Variants in NEGR1 observed in about 807,000 individuals in gnomAD.
The protein encoded by NEGR1 is IgLON family member 4.
Under a neutral mutation model 40.9 loss-of-function variants are expected in NEGR1, and 10 were observed. That is an observed-to-expected ratio of 0.24 (90% CI 0.15 to 0.42). The LOEUF (loss-of-function observed/expected upper bound fraction) is 0.42. NEGR1 is among the 10% of genes least tolerant of loss of function. NEGR1 has a pLI of 1.00. For synonymous variants in NEGR1, 185 were observed against 166.8 expected (o/e 1.11, Z -0.84); for missense variants, 352 against 438.9 (o/e 0.80, Z 1.77).
At chr1:71,784,583 G>T (rs1003722589) in intron 2 of NEGR1, among the ~76,000 whole-genome samples, 3 of 152,132 alleles carry the variant, frequency 2.0e-5, no homozygotes, top group Admixed American at 6.6e-5. Context: ...AAATGGTAGT[G>T]ATCAAGAAGA....
intron 3 of NEGR1, among the ~76,000 whole-genome samples, chr1:71,758,693 C>A (rs1315453411): frequency 6.6e-6 from 1 of 152,082 alleles, no homozygotes; most frequent in African/African-American, 2.4e-5. Context: ...CACCAGAGGT[C>A]AAAACTCTTC....
At chr1:72,088,664 C>T (rs1238960480) in intron 1 of NEGR1, among the ~76,000 whole-genome samples, 1 of 152,032 alleles carries the variant, frequency 6.6e-6, no homozygotes, top group Non-Finnish European at 1.5e-5. Flanking sequence ...ATGTGTTCAA[C>T]ACTAAATCGT....
intron 6 of NEGR1, among the ~76,000 whole-genome samples, chr1:71,477,912 T>C (rs1399842477): frequency 6.6e-6 from 1 of 151,840 alleles, no homozygotes; most frequent in Non-Finnish European, 1.5e-5. Flanking sequence ...AAAAAATACA[T>C]AAAGCTTAAA....
chr1:71,894,823 G>A (rs1660921403), intron 2 of NEGR1, among the ~76,000 whole-genome samples: 10 of 152,144 alleles, frequency 6.6e-5, no homozygotes, highest in Admixed American at 6.6e-4. Flanking sequence ...CAGGAGGATT[G>A]CTTGAGCCCA....
chr1:71,806,015 C>T (rs1657758041), intron 2 of NEGR1, among the ~76,000 whole-genome samples: 1 of 152,034 alleles, frequency 6.6e-6, no homozygotes, highest in Admixed American at 6.6e-5. Context: ...AAGAAATTTC[C>T]ATTATTATTT....
chr1:72,083,816 C>T (rs1410290691), intron 1 of NEGR1, among the ~76,000 whole-genome samples: 4 of 152,040 alleles, frequency 2.6e-5, no homozygotes, highest in Non-Finnish European at 4.4e-5. Flanking sequence ...TTTCCCTCTA[C>T]ATGGATAGCC....
In NEGR1 at chr1:71,400,234, C is replaced by G. The variant is rs746585370; in HGVS notation, c.*7212G>C. The G allele has an allele frequency of 6.6e-6, 1 of 152,158 alleles. No individual in the cohort carries two copies. The highest frequency in any genetic ancestry group is 2.1e-4 in the South Asian group (1 of 4,826). 9.4% of individuals were successfully genotyped at this position (152,158 alleles called of 1,614,324 possible). A position where few individuals can be genotyped will look rare whatever the true frequency, so the allele number is the denominator to read the frequency against. On this transcript the variant is annotated 3_prime_UTR_variant, in exon 7 of 7. Coordinates refer to ENST00000357731, the MANE Select transcript of NEGR1 (RefSeq NM_173808.3). ...TGAACCATGCTACCTCCTGTAGTTT[C>G]TACCAAACCAAGATGTGTGCTAGGA...
intron 2 of NEGR1, among the ~76,000 whole-genome samples, chr1:71,785,538 T>C (rs948259249): frequency 2.0e-5 from 3 of 152,128 alleles, no homozygotes; most frequent in African/African-American, 7.2e-5. Context: ...CAGGAATTTA[T>C]ATTAAGGAAA....
At chr1:71,769,756 A>T (rs1229067245) in intron 3 of NEGR1, among the ~76,000 whole-genome samples, 5 of 152,090 alleles carry the variant, frequency 3.3e-5, no homozygotes, top group Non-Finnish European at 7.4e-5. Flanking sequence ...GTATGTCTTT[A>T]TTAGCAGCGT....
intron 2 of NEGR1, among the ~76,000 whole-genome samples, chr1:71,871,819 A>G (rs1327009196): frequency 1.3e-5 from 2 of 152,148 alleles, no homozygotes; most frequent in African/African-American, 4.8e-5. Context: ...CCTTTTTTCT[A>G]TCAGAGCTCA....
intron 4 of NEGR1, among the ~76,000 whole-genome samples, chr1:71,628,974 C>T (rs1487206650): frequency 6.6e-6 from 1 of 152,042 alleles, no homozygotes; most frequent in East Asian, 1.9e-4. Context: ...GTTCTAGATG[C>T]TTGAGGAATC....
chr1:71,621,518 T>C (rs1204622930), intron 4 of NEGR1, among the ~76,000 whole-genome samples: 2 of 151,828 alleles, frequency 1.3e-5, no homozygotes, highest in Non-Finnish European at 2.9e-5. Flanking sequence ...ACCTTAATGT[T>C]TTTTTAATAT....
intron 6 of NEGR1, among the ~76,000 whole-genome samples, chr1:71,475,470 A>G (rs1404926994): frequency 1.3e-5 from 2 of 152,086 alleles, no homozygotes; most frequent in Non-Finnish European, 2.9e-5. Flanking sequence ...CATACTTGAT[A>G]TATTTGTACG....
intron 6 of NEGR1, among the ~76,000 whole-genome samples, chr1:71,458,551 C>A (rs1478073383): frequency 6.6e-6 from 1 of 152,152 alleles, no homozygotes; most frequent in Non-Finnish European, 1.5e-5. Flanking sequence ...TGTCTCTTTG[C>A]TGGTCAATTT....
chr1:71,689,513 T>C (rs1653179039), intron 4 of NEGR1, among the ~76,000 whole-genome samples: 2 of 152,274 alleles, frequency 1.3e-5, no homozygotes, highest in Non-Finnish European at 2.9e-5. Context: ...TATCCTGTAA[T>C]ATCTAAACCC....
At chr1:72,271,950 T>A (rs1279609153) in intron 1 of NEGR1, among the ~76,000 whole-genome samples, 1 of 151,884 alleles carries the variant, frequency 6.6e-6, no homozygotes, top group Non-Finnish European at 1.5e-5. Context: ...CTGCCATGAT[T>A]CTGAGGCTTC....
chr1:72,057,065 C>T (rs1647117500), intron 1 of NEGR1, among the ~76,000 whole-genome samples: 2 of 151,512 alleles, frequency 1.3e-5, no homozygotes, highest in Non-Finnish European at 3.0e-5. Flanking sequence ...TCTTTCTTTC[C>T]CACAACTGCT....
intron 6 of NEGR1, among the ~76,000 whole-genome samples, chr1:71,557,448 A>T (rs1194676279): frequency 6.6e-6 from 1 of 151,688 alleles, no homozygotes; most frequent in Non-Finnish European, 1.5e-5. Context: ...AACGTCATGC[A>T]CTTGGAGAAA....
At chr1:71,994,536 A>C (rs2100365618) in intron 1 of NEGR1, among the ~76,000 whole-genome samples, 1 of 111,014 alleles carries the variant, frequency 9.0e-6, no homozygotes. Flanking sequence ...TCAAAAACAA[A>C]ACAAAACAAA....
Sources: allele counts gnomAD v4.1 joint callset (sites outside exome capture counted in the v4.1 genomes callset), GRCh38; gene constraint gnomAD v4.1.1; transcripts MANE v1.5; gene names NCBI Gene and HGNC (gene_info 2026-07-23, HGNC 2026-07-21).